PRDM2: variants seen among roughly 807,000 people sequenced by gnomAD.
PRDM2 encodes PR/SET domain 2, also known as PR domain zinc finger protein 2.
PRDM2 carries 30 observed loss-of-function variants against 130.0 expected under a neutral mutation model. The observed-to-expected ratio is 0.23, with a 90% CI of 0.17 to 0.31. The LOEUF is 0.31. Among genes scored for constraint, PRDM2 ranks in the 10% least tolerant of loss-of-function variants. PRDM2 has a pLI of 1.00. For synonymous variants in PRDM2, 871 were observed against 782.4 expected (o/e 1.11, Z -1.89); for missense variants, 2,011 against 2,108.4 (o/e 0.95, Z 0.90).
chr1:13,752,967 C>A (rs546570192), intron 6 of PRDM2, among the ~76,000 whole-genome samples: 1 of 152,276 alleles, frequency 6.6e-6, no homozygotes, highest in African/African-American at 2.4e-5. Flanking sequence ...ACTGTAAGTA[C>A]CACTCCTTAG....
intron 6 of PRDM2, chr1:13,770,232 TTTTG>T (rs748403175): frequency 4.8e-6 from 2 of 413,912 alleles, no homozygotes; most frequent in Non-Finnish European, 9.6e-6. Flanking sequence ...GCTGATTAGG[TTTTG>T]TTTGTCCAAT....
chr1:13,773,364 C>T (rs1395031544), intron 7 of PRDM2, 176 bp downstream of exon 7: 1 of 403,566 alleles, frequency 2.5e-6, no homozygotes, highest in Non-Finnish European at 4.5e-6. Context: ...GCTACCTTCC[C>T]TTCAAACAAT....
intron 8 of PRDM2, chr1:13,783,050 C>CA: frequency 2.8e-6 from 3 of 1,086,486 alleles, no homozygotes; most frequent in Non-Finnish European, 3.9e-6. Flanking sequence ...AGCAGTGCCA[C>CA]TTCTTTAATG....
intron 2 of PRDM2, among the ~76,000 whole-genome samples, chr1:13,726,065 A>T (rs960783931): frequency 1.3e-5 from 2 of 152,216 alleles, no homozygotes; most frequent in Admixed American, 1.3e-4. Flanking sequence ...GTTTAGTTTC[A>T]TCTGTAACGT....
intron 2 of PRDM2, among the ~76,000 whole-genome samples, chr1:13,717,675 C>G (rs555156858): frequency 1.2e-5 from 1 of 84,988 alleles, no homozygotes; most frequent in African/African-American, 4.0e-5. Flanking sequence ...GTAGCAATAA[C>G]TACTACTTTT....
At chr1:13,718,533 C>T (rs1642619329) in intron 2 of PRDM2, among the ~76,000 whole-genome samples, 1 of 152,178 alleles carries the variant, frequency 6.6e-6, no homozygotes, top group South Asian at 2.1e-4. Flanking sequence ...AGTGTGATAG[C>T]TCCCTCTGAG....
Position 13,778,878 on chromosome 1 carries a change from G to A in PRDM2, c.1083G>A (p.Pro361=), listed in dbSNP as rs111299819. The A allele has an allele frequency of 8.1e-6, 13 of 1,614,202 alleles. No individual in the cohort carries two copies. The highest frequency in any genetic ancestry group is 7.7e-5 in the South Asian group (7 of 91,080). The change falls in exon 8 of 10, where the codon CCG becomes CCA. Residue 361 remains proline, a synonymous_variant. Transcript: ENST00000311066. Reference sequence around the variant, plus strand: ...ATGTATTTGAAACGTTTATGTTTCCGTGTCAACATTGTGAAAGGAAGTTTA... The same window carrying A: ...ATGTATTTGAAACGTTTATGTTTCCATGTCAACATTGTGAAAGGAAGTTTA... ...NGDVFETFMF[P]CQHCERKFTT...
rs1557617943 is a variant in PRDM2 at position 13,749,494 on chromosome 1, G to T, written c.511+7G>T. 4.4e-6 allele frequency: 6 copies of T among 1,373,242 alleles called. No individual in the cohort carries two copies. The Admixed American group carries it at 7.0e-5, about 16-fold the overall frequency. The allele number at this position is 1,373,242 out of a possible 1,614,324, so 85.1% of individuals were successfully genotyped here. A position where few individuals can be genotyped will look rare whatever the true frequency, so the allele number is the denominator to read the frequency against. On this transcript the variant is annotated splice_region_variant and intron_variant, in intron 6 of 9. Coordinates refer to ENST00000311066, the MANE Select transcript of PRDM2 (RefSeq NM_001393986.1). ...TCCCCCAAGAGCCGGAAAGGTAGGA[G>T]CCCCCCGGCCCGCCCGCCCGGCCCC...
intron 2 of PRDM2, among the ~76,000 whole-genome samples, chr1:13,730,795 A>G (rs896839467): frequency 2.6e-5 from 4 of 152,144 alleles, no homozygotes; most frequent in Non-Finnish European, 4.4e-5. Flanking sequence ...ACATGCTTGA[A>G]GGTTGCAGTG....
chr1:13,750,648 C>T (rs943009534), intron 6 of PRDM2, among the ~76,000 whole-genome samples: 4 of 152,022 alleles, frequency 2.6e-5, no homozygotes, highest in Non-Finnish European at 4.4e-5. Flanking sequence ...TTAATTCCCC[C>T]GTGAAACAGT....
rs754243274 is a variant in PRDM2, at chr1:13,781,924, G to C, written c.4129G>C (p.Val1377Leu). 12 of 1,614,052 alleles carry C rather than the reference G, an allele frequency of 7.4e-6. No homozygotes were observed. Among genetic ancestry groups the C allele is most frequent in the African/African-American group, 1.3e-5 (1 of 74,920 alleles). ...AAACCCAGTACCATTAAAACAAACT[G>C]TGCAACCCAAAAATGGCGTGGTGGT... ...KKNPVPLKQT[V>L]QPKNGVVVLD... Residue 1377 changes from valine (V) to leucine (L), a missense_variant, in exon 8 of 10, where the codon GTG becomes CTG. Transcript: ENST00000311066. This position sits in a 1 kb window ranked among gnomAD's most constrained non-coding sequence, Gnocchi z 6.1.
At position 13,780,360 on chromosome 1, in the gene PRDM2, G is replaced by A. The variant is rs560640270; in HGVS notation, c.2565G>A (p.Lys855=). The A allele has an allele frequency of 6.2e-6, 10 of 1,614,202 alleles. No homozygotes were observed. The highest frequency in any genetic ancestry group is 1.1e-5 in the South Asian group (1 of 91,090). Residue 855 remains lysine, a synonymous_variant, in exon 8 of 10, where the codon AAG becomes AAA. Coordinates refer to ENST00000311066, the MANE Select transcript of PRDM2 (RefSeq NM_001393986.1). ...TCTTAGATCTCAGTGTGCATAAAAA[G>A]CATTGTAGTGACTCTGAAGGCAAGG... ...ESVLDLSVHK[K]HCSDSEGKEF...
chr1:13,813,160 T>G (rs1249594171), intron 8 of PRDM2, among the ~76,000 whole-genome samples: 2 of 152,154 alleles, frequency 1.3e-5, no homozygotes, highest in Non-Finnish European at 2.9e-5. Flanking sequence ...AAGTTAATCA[T>G]TACTGTAACC....
At chr1:13,747,800 AC>A (rs1189379334) in intron 5 of PRDM2, among the ~76,000 whole-genome samples, 1 of 151,986 alleles carries the variant, frequency 6.6e-6, no homozygotes, top group African/African-American at 2.4e-5. Flanking sequence ...GAAACAAAAA[AC>A]AAAAAGGATC....
intron 6 of PRDM2, among the ~76,000 whole-genome samples, chr1:13,755,634 A>G (rs1231339184): frequency 6.6e-6 from 1 of 152,068 alleles, no homozygotes; most frequent in East Asian, 1.9e-4. Context: ...TTTCTAAATG[A>G]TGAATTTTTA....
intron 8 of PRDM2, among the ~76,000 whole-genome samples, chr1:13,786,153 A>G (rs1013844662): frequency 6.6e-6 from 1 of 151,842 alleles, no homozygotes; most frequent in African/African-American, 2.4e-5. Flanking sequence ...GGGTTCTTTA[A>G]TGCTTCTTTT....
chr1:13,783,107 G>A (rs1644655959), intron 8 of PRDM2: 1 of 686,410 alleles, frequency 1.5e-6, no homozygotes, highest in African/African-American at 1.8e-5. Flanking sequence ...GCTCTCAAAA[G>A]TACTCTAAGA....
chr1:13,814,238 G>T (rs7551586), intron 8 of PRDM2, among the ~76,000 whole-genome samples: 1 of 152,134 alleles, frequency 6.6e-6, no homozygotes, highest in Non-Finnish European at 1.5e-5. Flanking sequence ...TTGGTGGCCC[G>T]TCAGGAGCAC....
intron 8 of PRDM2, among the ~76,000 whole-genome samples, chr1:13,785,515 A>G (rs903755131): frequency 1.3e-5 from 2 of 152,082 alleles, no homozygotes; most frequent in African/African-American, 4.8e-5. Flanking sequence ...TCTACTTAAC[A>G]CTGAGGGTCA....
Sources: gnomAD v4.1 joint callset for allele counts (sites outside exome capture counted in the v4.1 genomes callset) on GRCh38, gnomAD v4.1.1 for gene constraint, Gnocchi (gnomAD v3.1) non-coding constraint, MANE v1.5 for transcripts, NCBI Gene and HGNC (gene_info 2026-07-23, HGNC 2026-07-21) for gene names.